Variants in MDGA2 observed in about 807,000 individuals in gnomAD.
MDGA2 encodes MAM domain-containing glycosylphosphatidylinositol anchor protein 2.
Under a neutral mutation model 117.8 loss-of-function variants are expected in MDGA2, and 40 were observed. That is an observed-to-expected ratio of 0.34 (90% CI 0.26 to 0.44). MDGA2 has a LOEUF of 0.44. Among genes scored for constraint, MDGA2 ranks in the 20% least tolerant of loss-of-function variants. The pLI is 1.00. For synonymous variants in MDGA2, 452 were observed against 439.0 expected (o/e 1.03, Z -0.37); for missense variants, 1,123 against 1,250.6 (o/e 0.90, Z 1.54).
chr14:47,576,539 T>C (rs1465748633), intron 1 of MDGA2, among the ~76,000 whole-genome samples: 1 of 152,122 alleles, frequency 6.6e-6, no homozygotes, highest in Admixed American at 6.5e-5. Context: ...CTGTACTGTA[T>C]TGGAAGAGTA....
intron 8 of MDGA2, among the ~76,000 whole-genome samples, chr14:47,019,909 A>G (rs1566577682): frequency 6.6e-6 from 1 of 152,102 alleles, no homozygotes; most frequent in Admixed American, 6.6e-5. Flanking sequence ...CATCATATTT[A>G]AAAGGATTTG....
intron 1 of MDGA2, among the ~76,000 whole-genome samples, chr14:47,648,796 A>T (rs1376969954): frequency 6.6e-6 from 1 of 152,190 alleles, no homozygotes; most frequent in Non-Finnish European, 1.5e-5. Context: ...TTCATAAGAA[A>T]GTGTTCATAA....
intron 8 of MDGA2, among the ~76,000 whole-genome samples, chr14:47,024,644 CAA>C (rs1188561775): frequency 6.6e-6 from 1 of 151,972 alleles, no homozygotes; most frequent in African/African-American, 2.4e-5. Flanking sequence ...GAATGAGAAA[CAA>C]TATCAAAGAA....
intron 5 of MDGA2, among the ~76,000 whole-genome samples, chr14:47,111,078 T>C (rs1294090759): frequency 2.6e-5 from 4 of 152,188 alleles, no homozygotes; most frequent in Admixed American, 1.3e-4. Context: ...GAGACAATTA[T>C]AGCCCTTAAA....
intron 1 of MDGA2, among the ~76,000 whole-genome samples, chr14:47,389,127 C>G (rs1009717998): frequency 6.6e-6 from 1 of 152,110 alleles, no homozygotes; most frequent in African/African-American, 2.4e-5. Flanking sequence ...ATGATCAGCA[C>G]CAAGTCTTTA....
intron 1 of MDGA2, among the ~76,000 whole-genome samples, chr14:47,619,148 C>CAG (rs899849660): frequency 2.0e-5 from 3 of 148,696 alleles, no homozygotes; most frequent in African/African-American, 7.5e-5. Context: ...CACACACACA[C>CAG]ACAGATACAT....
intron 1 of MDGA2, among the ~76,000 whole-genome samples, chr14:47,608,344 A>G (rs1896779101): frequency 6.6e-6 from 1 of 152,150 alleles, no homozygotes; most frequent in Non-Finnish European, 1.5e-5. Context: ...AGACATCAGT[A>G]AGGCAACTTA....
At chr14:47,080,912 A>G (rs1890686534) in intron 6 of MDGA2, among the ~76,000 whole-genome samples, 1 of 152,126 alleles carries the variant, frequency 6.6e-6, no homozygotes, top group Non-Finnish European at 1.5e-5. Flanking sequence ...ATTATTTCAC[A>G]TATCCTACTT....
rs1566642433 is a variant in MDGA2 at position 47,131,762 on chromosome 14, A to C, written c.877T>G (p.Cys293Gly). Residue 293 changes from cysteine to glycine, a missense_variant, in exon 5 of 17, where the codon TGT becomes GGT. Physicochemically the swap from Cys to Gly is radical, Grantham distance 159. Coordinates refer to ENST00000399232, the MANE Select transcript of MDGA2 (RefSeq NM_001113498.3). ...GACACCATCTTATCAGGAATATTAC[A>C]TACATTCCTCACTGAAGCAATGCAG... The part of the protein sequence containing the change: ...YSCIASVRNV[C>G]NIPDKMVSFR... 1 of 1,585,370 alleles carries C rather than the reference A, an allele frequency of 6.3e-7. No homozygotes were observed.
intron 7 of MDGA2, among the ~76,000 whole-genome samples, chr14:47,047,722 T>C (rs1889313593): frequency 6.6e-6 from 1 of 152,066 alleles, no homozygotes; most frequent in Admixed American, 6.6e-5. Context: ...TGCATACATT[T>C]CTATATAGAT....
At chr14:47,544,402 A>G (rs928961601) in intron 1 of MDGA2, among the ~76,000 whole-genome samples, 2 of 152,160 alleles carry the variant, frequency 1.3e-5, no homozygotes, top group African/African-American at 2.4e-5. Context: ...TTTAATTGCC[A>G]GGAAAGCTCA....
At chr14:47,655,730 A>T (rs946904142) in intron 1 of MDGA2, among the ~76,000 whole-genome samples, 1 of 152,184 alleles carries the variant, frequency 6.6e-6, no homozygotes, top group African/African-American at 2.4e-5. Flanking sequence ...AGAACACTTT[A>T]GATCTAAGAG....
At chr14:47,072,713 G>A (rs2138847932) in intron 6 of MDGA2, among the ~76,000 whole-genome samples, 1 of 152,234 alleles carries the variant, frequency 6.6e-6, no homozygotes, top group South Asian at 2.1e-4. Context: ...CCCTCTGAGT[G>A]ATTCTGATAT....
intron 8 of MDGA2, among the ~76,000 whole-genome samples, chr14:47,020,441 T>C (rs1888246660): frequency 6.6e-6 from 1 of 152,180 alleles, no homozygotes; most frequent in African/African-American, 2.4e-5. Context: ...ATGTCTTATG[T>C]AGAATTCTAG....
intron 2 of MDGA2, among the ~76,000 whole-genome samples, chr14:47,236,013 A>G (rs1345023392): frequency 1.3e-5 from 2 of 152,074 alleles, no homozygotes; most frequent in Non-Finnish European, 2.9e-5. Context: ...ATGTGTTACA[A>G]GCAAAAAACA....
rs991134886 is a variant in MDGA2 at position 47,058,458 on chromosome 14, C to T, written c.1525+2791G>A. The T allele has an allele frequency of 3.3e-6, 3 of 900,674 alleles. No individual in the cohort carries two copies. The African/African-American group carries it at 5.4e-5, about 16-fold the overall frequency. The allele number at this position is 900,674 out of a possible 1,614,324, so 55.8% of individuals were successfully genotyped here. ...GTTGCTTCCTTTTCTTTGACTCACTCATCCCATTTGTGTGAATTTCCTCAG... is the reference window on the plus strand; with the variant it reads ...GTTGCTTCCTTTTCTTTGACTCACTTATCCCATTTGTGTGAATTTCCTCAG... On this transcript the variant is annotated intron_variant, in intron 7 of 16. Transcript: ENST00000399232.
intron 1 of MDGA2, among the ~76,000 whole-genome samples, chr14:47,672,633 A>C (rs1214137252): frequency 1.3e-5 from 2 of 152,182 alleles, no homozygotes; most frequent in African/African-American, 4.8e-5. Flanking sequence ...ACATGCATAC[A>C]TACAAATTTA....
At position 46,864,545 on chromosome 14, in the gene MDGA2, G is replaced by GTTTTT. The variant is rs71112467; in HGVS notation, c.2752+8883_2752+8887dup. Among the ~76,000 whole-genome samples, 100 of 51,458 alleles carry GTTTTT rather than the reference G, an allele frequency of 1.9e-3. 10 individuals are homozygous for GTTTTT. Among genetic ancestry groups the GTTTTT allele is most frequent in the African/African-American group, 5.2e-3 (87 of 16,842 alleles). The allele number at this position is 51,458 out of a possible 152,430, so 33.8% of individuals were successfully genotyped here. A position where few individuals can be genotyped will look rare whatever the true frequency, so the allele number is the denominator to read the frequency against. On this transcript the variant is annotated intron_variant, in intron 14 of 16. Coordinates refer to ENST00000399232, the MANE Select transcript of MDGA2 (RefSeq NM_001113498.3). ...TTTGTTGCGCTTTGCAGATATTGCT[G>GTTTTT]TTTTTTTTTTTTTTTTTTTTTTTTT...
At chr14:47,531,054 G>C (rs536323181) in intron 1 of MDGA2, among the ~76,000 whole-genome samples, 6 of 152,166 alleles carry the variant, frequency 3.9e-5, no homozygotes, top group Admixed American at 6.5e-5. Context: ...GACCATCCTG[G>C]CTAACACGAT....
Sources: gnomAD v4.1 joint callset for allele counts (sites outside exome capture counted in the v4.1 genomes callset) on GRCh38, gnomAD v4.1.1 for gene constraint, MANE v1.5 for transcripts, NCBI Gene and HGNC (gene_info 2026-07-23, HGNC 2026-07-21) for gene names.